Variants in TPST2 observed in about 807,000 individuals in gnomAD.
The protein encoded by TPST2 is protein-tyrosine sulfotransferase 2.
A neutral mutation model predicts 27.8 loss-of-function variants in TPST2; 16 were observed. The observed-to-expected ratio is 0.58, with a 90% CI of 0.39 to 0.88. The LOEUF (loss-of-function observed/expected upper bound fraction) is 0.88, where lower values mean the gene tolerates loss of function less well. TPST2 is among the 40% of genes least tolerant of loss of function. The pLI is 0.00. For synonymous variants in TPST2, 229 were observed against 231.7 expected, an observed-to-expected ratio of 0.99 and a Z score of 0.10; for missense variants, 464 against 543.1, an observed-to-expected ratio of 0.85 and a Z score of 1.45.
At chr22:26,572,347 C>G (rs557154613) in intron 1 of TPST2, among the ~76,000 whole-genome samples, 7 of 152,154 alleles carry the variant, frequency 4.6e-5, no homozygotes, top group Non-Finnish European at 1.0e-4. Context: ...ACCTGCAAAG[C>G]TGGCATGAGA....
At chr22:26,538,704 C>A (rs551912405) in intron 3 of TPST2, among the ~76,000 whole-genome samples, 1 of 152,340 alleles carries the variant, frequency 6.6e-6, no homozygotes, top group South Asian at 2.1e-4. Flanking sequence ...TGCCTGTAAT[C>A]CCAGCTATTT....
chr22:26,583,424 G>A (rs1382511283), intron 1 of TPST2, among the ~76,000 whole-genome samples: 3 of 86,388 alleles, frequency 3.5e-5, no homozygotes, highest in South Asian at 4.4e-4. Context: ...GCGACAGAAG[G>A]AAACTCCATC....
chr22:26,567,946 T>C (rs763389888), intron 1 of TPST2, among the ~76,000 whole-genome samples: 11 of 152,246 alleles, frequency 7.2e-5, no homozygotes, highest in Non-Finnish European at 1.3e-4. Context: ...AGAACTTTCA[T>C]ACTCTGCTGG....
intron 1 of TPST2, among the ~76,000 whole-genome samples, chr22:26,564,630 A>G (rs554021033): frequency 2.8e-4 from 43 of 152,312 alleles, no homozygotes; most frequent in African/African-American, 1.0e-3. Context: ...ACTTATGCAC[A>G]GATCAGTCAA....
intron 6 of TPST2, among the ~76,000 whole-genome samples, chr22:26,526,762 G>A (rs182462793): frequency 2.6e-5 from 4 of 152,158 alleles, no homozygotes; most frequent in East Asian, 1.9e-4. Context: ...TTCATGAGAG[G>A]GTTCTTTTCT....
chr22:26,571,221 A>C (rs1291657734), intron 1 of TPST2, among the ~76,000 whole-genome samples: 1 of 150,892 alleles, frequency 6.6e-6, no homozygotes, highest in East Asian at 2.0e-4. Context: ...GCTGTCACTC[A>C]AACACACAAG....
intron 1 of TPST2, among the ~76,000 whole-genome samples, chr22:26,558,012 A>G (rs1325228272): frequency 1.3e-5 from 2 of 150,264 alleles, no homozygotes; most frequent in African/African-American, 4.9e-5. Flanking sequence ...ACACCACTGT[A>G]CTCTGGCCTG....
At chr22:26,534,637 C>T (rs1473265328) in intron 4 of TPST2, among the ~76,000 whole-genome samples, 3 of 152,216 alleles carry the variant, frequency 2.0e-5, no homozygotes, top group Non-Finnish European at 2.9e-5. Context: ...TGGCTGAGAA[C>T]AGTGAAGTAA....
chr22:26,585,624 C>T (rs1230949512), intron 1 of TPST2, among the ~76,000 whole-genome samples: 1 of 152,126 alleles, frequency 6.6e-6, no homozygotes, highest in Non-Finnish European at 1.5e-5. Flanking sequence ...TCCCTGGTGC[C>T]ACGTGGGGCA....
At chr22:26,564,226 C>T (rs548943039) in intron 1 of TPST2, among the ~76,000 whole-genome samples, 43 of 152,322 alleles carry the variant, frequency 2.8e-4, no homozygotes, top group African/African-American at 1.0e-3. Flanking sequence ...TAGGTGTCTT[C>T]GTACCAGCCT....
At chr22:26,552,929 G>A (rs931455030) in intron 1 of TPST2, among the ~76,000 whole-genome samples, 4 of 151,842 alleles carry the variant, frequency 2.6e-5, no homozygotes, top group South Asian at 2.1e-4. Flanking sequence ...GCATGGTGGC[G>A]GGCGCCTGTA....
intron 1 of TPST2, among the ~76,000 whole-genome samples, chr22:26,572,402 C>T (rs1927665208): frequency 6.6e-6 from 1 of 152,156 alleles, no homozygotes; most frequent in Admixed American, 6.5e-5. Context: ...AGACACAAAT[C>T]CCTAAAATTA....
chr22:26,572,074 G>T (rs151308504), intron 1 of TPST2, among the ~76,000 whole-genome samples: 38 of 152,212 alleles, frequency 2.5e-4, no homozygotes, highest in Middle Eastern at 3.4e-3. Context: ...CAGCCCCATG[G>T]ACCTTCTATC....
chr22:26,526,805 TGGTG>T (rs1209286286), intron 6 of TPST2, among the ~76,000 whole-genome samples: 3 of 152,064 alleles, frequency 2.0e-5, no homozygotes, highest in Non-Finnish European at 4.4e-5. Flanking sequence ...TGGGTAGGTG[TGGTG>T]GCTCATGCCT....
At position 26,525,402 on chromosome 22, in the gene TPST2, C is replaced by CGGG. The variant is rs1602243528; in HGVS notation, c.*870_*872dup. 6.6e-6 allele frequency: 1 copy of CGGG among 152,126 alleles called. No homozygotes were observed. The highest frequency in any genetic ancestry group is 2.4e-5 in the African/African-American group (1 of 41,396). 9.4% of individuals were successfully genotyped at this position (152,126 alleles called of 1,614,324 possible). Reference sequence around the variant, plus strand: ...GTAATTTTTGTATTTTTAGTAGAGACGGGGTTTCACCATGTTGGCCAGGCT... The same window carrying CGGG: ...GTAATTTTTGTATTTTTAGTAGAGACGGGGGGGTTTCACCATGTTGGCCAGGCT... On this transcript the variant is annotated 3_prime_UTR_variant, in exon 7 of 7. Transcript: ENST00000338754.
In TPST2 at chr22:26,555,406, T is replaced by C. The variant is rs548302511; in HGVS notation, c.-160-10731A>G. On this transcript the variant is annotated intron_variant, in intron 1 of 6. Transcript: ENST00000338754. The stretch of plus-strand genomic sequence containing the variant: ...CCTAAAGTTGGACAGACCCAGGCGA[T>C]CTTGGTGTGGCCACTCACCAGTGGC... 187 of 367,270 alleles carry C rather than the reference T, an allele frequency of 5.1e-4. 3 individuals carry two copies. The highest frequency in any genetic ancestry group is 3.6e-3 in the South Asian group (180 of 49,752). 22.8% of individuals were successfully genotyped at this position (367,270 alleles called of 1,614,324 possible).
chr22:26,551,307 C>CA (rs1003990987), intron 1 of TPST2, among the ~76,000 whole-genome samples: 5 of 152,000 alleles, frequency 3.3e-5, no homozygotes, highest in South Asian at 2.1e-4. Context: ...AACAAACAAA[C>CA]AAAAAAACAT....
chr22:26,553,402 C>T (rs1926600029), intron 1 of TPST2, among the ~76,000 whole-genome samples: 1 of 150,224 alleles, frequency 6.7e-6, no homozygotes, highest in African/African-American at 2.5e-5. Flanking sequence ...GACAGGGTCT[C>T]CTTCTGTCTC....
chr22:26,536,154 T>A (rs1925449103), intron 4 of TPST2, 134 bp downstream of exon 4: 1 of 1,176,236 alleles, frequency 8.5e-7, no homozygotes, highest in African/African-American at 1.5e-5. Context: ...GTTCACTGTG[T>A]CCATCAGACA....
Sources: gnomAD v4.1 joint callset for allele counts (sites outside exome capture counted in the v4.1 genomes callset) on GRCh38, gnomAD v4.1.1 for gene constraint, MANE v1.5 for transcripts, NCBI Gene and HGNC (gene_info 2026-07-23, HGNC 2026-07-21) for gene names.